Variants in SEPTIN9 observed in about 807,000 individuals in gnomAD.
SEPTIN9 encodes the protein septin 9.
In SEPTIN9, 13 loss-of-function variants were observed where a neutral mutation model predicts 56.6. That is an observed-to-expected ratio of 0.23 (90% CI 0.15 to 0.37). The LOEUF is 0.37. Among genes scored for constraint, SEPTIN9 ranks in the 10% least tolerant of loss-of-function variants. The probability of loss-of-function intolerance (pLI) is 1.00; values close to 1 mark genes in which losing one functional copy is unlikely to be tolerated. For synonymous variants in SEPTIN9, 332 were observed against 334.1 expected (o/e 0.99, Z 0.07); for missense variants, 650 against 823.1 (o/e 0.79, Z 2.57).
intron 2 of SEPTIN9, among the ~76,000 whole-genome samples, chr17:77,398,483 T>C (rs960160583): frequency 2.0e-5 from 3 of 151,964 alleles, no homozygotes; most frequent in African/African-American, 7.3e-5. Flanking sequence ...GGCTTGGCTT[T>C]GAGGAGGATT....
chr17:77,467,695 A>C (rs2038806081), intron 3 of SEPTIN9, among the ~76,000 whole-genome samples: 1 of 152,224 alleles, frequency 6.6e-6, no homozygotes, highest in Non-Finnish European at 1.5e-5. Flanking sequence ...ACAGGCGGCC[A>C]CACACCGAAG....
chr17:77,372,614 C>T (rs565822680), intron 2 of SEPTIN9, among the ~76,000 whole-genome samples: 12 of 152,364 alleles, frequency 7.9e-5, no homozygotes, highest in Admixed American at 1.3e-4. Context: ...AGGCGTCGCC[C>T]GTCCCTGGCT....
chr17:77,298,117 T>C (rs767693170), intron 1 of SEPTIN9, among the ~76,000 whole-genome samples: 2 of 152,198 alleles, frequency 1.3e-5, no homozygotes, highest in Non-Finnish European at 2.9e-5. Context: ...TAAAGGAGAA[T>C]GTGTTACCTC....
In SEPTIN9 at chr17:77,402,715, A is replaced by G. The variant is rs145762892; in HGVS notation, c.721+12A>G. On this transcript the variant is annotated intron_variant, in intron 3 of 11. Coordinates refer to ENST00000427177, the MANE Select transcript of SEPTIN9 (RefSeq NM_001113491.2). This position sits in a 1 kb window ranked among gnomAD's most constrained non-coding sequence, Gnocchi z 6.6. ...CCGGAGCCAGGAGGGTGAGTCGCAG[A>G]GCGCTAGGTCTTGGATGCTGTGGTA... 6 of 1,560,710 alleles carry G rather than the reference A, an allele frequency of 3.8e-6. No homozygotes were observed. Among genetic ancestry groups the G allele is most frequent in the Non-Finnish European group, 5.2e-6 (6 of 1,156,506 alleles).
chr17:77,474,659 G>A (rs942012585), intron 3 of SEPTIN9, among the ~76,000 whole-genome samples: 2 of 152,142 alleles, frequency 1.3e-5, no homozygotes, highest in African/African-American at 2.4e-5. Flanking sequence ...CATGGTTCCC[G>A]AAGACCTGGC....
intron 2 of SEPTIN9, among the ~76,000 whole-genome samples, chr17:77,391,718 A>AC (rs1294435832): frequency 6.6e-6 from 1 of 152,192 alleles, no homozygotes; most frequent in Non-Finnish European, 1.5e-5. Context: ...CAGATTCTGG[A>AC]GGTTCCTTGT....
chr17:77,451,554 C>CCG lies in SEPTIN9; in HGVS notation c.722-30590_722-30589insCG, dbSNP rs2037970710. On this transcript the variant is annotated intron_variant, in intron 3 of 11. Transcript: ENST00000427177. The surrounding 1 kb of genome is among the most constrained non-coding windows in gnomAD (Gnocchi z 4.2). ...GTGAGTCCTGCTCCTTTGTTCTTCC[C>CCG]AGCCTTGCACCACTGGCTCGGGGGC... 1 of 985,312 alleles carries CCG rather than the reference C, an allele frequency of 1.0e-6. No individual in the cohort carries two copies. Among genetic ancestry groups the CCG allele is most frequent in the African/African-American group, 1.7e-5 (1 of 57,256 alleles). 61.0% of individuals were successfully genotyped at this position (985,312 alleles called of 1,614,324 possible).
rs762317223 is a variant in SEPTIN9, at chr17:77,307,165, G to T, written c.44G>T (p.Arg15Leu). ...GGAGGCACGCGGACCTCCAGTGGCC[G>T]GCTCCGGAGGCTTGGTGACTCCAGT... ...YSGGTRTSSGRLRRLGDSSGP... is the reference protein window; with the variant it reads ...YSGGTRTSSGLLRRLGDSSGP... Residue 15 changes from arginine to leucine, a missense_variant, in exon 2 of 12, where the codon CGG (arginine) becomes CTG (leucine). Physicochemically the swap from Arg to Leu is moderately radical, Grantham distance 102. Coordinates refer to ENST00000427177, the MANE Select transcript of SEPTIN9 (RefSeq NM_001113491.2). 1.9e-6 allele frequency: 3 copies of T among 1,613,776 alleles called. No homozygotes were observed. In the African/African-American group the frequency reaches 4.0e-5, roughly 22 times the overall value.
intron 2 of SEPTIN9, chr17:77,374,552 C>T (rs1007896744): frequency 6.6e-6 from 1 of 152,106 alleles, no homozygotes; most frequent in African/African-American, 2.4e-5. Context: ...GGCTCCTAGG[C>T]TGACTTGGGC....
intron 2 of SEPTIN9, among the ~76,000 whole-genome samples, chr17:77,356,608 C>T (rs926101841): frequency 6.8e-6 from 1 of 146,836 alleles, no homozygotes; most frequent in Non-Finnish European, 1.5e-5. Context: ...GCTGCTCCTC[C>T]TCCTTCTATG....
intron 2 of SEPTIN9, among the ~76,000 whole-genome samples, chr17:77,360,121 C>T (rs2034366818): frequency 6.7e-6 from 1 of 148,934 alleles, no homozygotes; most frequent in African/African-American, 2.5e-5. Flanking sequence ...CACACCATTG[C>T]ACTCCAGCCT....
In SEPTIN9 at chr17:77,476,652, C is replaced by T. The variant is rs1045620101; in HGVS notation, c.722-5492C>T. On this transcript the variant is annotated intron_variant, in intron 3 of 11. Transcript: ENST00000427177. The surrounding 1 kb of genome is among the most constrained non-coding windows in gnomAD (Gnocchi z 6.0). ...GGGACCGGTGACCTACTGCCACCAGCGCCAGTGAATGGCAGAGGGGCCCTG... is the reference window on the plus strand; with the variant it reads ...GGGACCGGTGACCTACTGCCACCAGTGCCAGTGAATGGCAGAGGGGCCCTG... Among the ~76,000 whole-genome samples the T allele has an allele frequency of 2.0e-5, 3 of 152,234 alleles. No homozygotes were observed. Among genetic ancestry groups the T allele is most frequent in the Admixed American group, 1.3e-4 (2 of 15,290 alleles).
intron 4 of SEPTIN9, chr17:77,484,209 T>A (rs2039571424): frequency 6.6e-6 from 1 of 152,240 alleles, no homozygotes; most frequent in African/African-American, 2.4e-5. Context: ...GGGGTGGTAA[T>A]GACGGTGATG....
chr17:77,290,936 TGACCTCCCAGTCTC>T (rs1352650778), intron 1 of SEPTIN9, among the ~76,000 whole-genome samples: 1 of 151,480 alleles, frequency 6.6e-6, no homozygotes, highest in African/African-American at 2.4e-5. Context: ...GGCGTGATCA[TGACCTCCCAGTCTC>T]GACCTCCCAG....
chr17:77,364,473 G>A (rs781124593), intron 2 of SEPTIN9, among the ~76,000 whole-genome samples: 2 of 152,246 alleles, frequency 1.3e-5, no homozygotes, highest in Non-Finnish European at 2.9e-5. Flanking sequence ...GTGAACGTCG[G>A]TGCCTTTGCA....
At chr17:77,373,182 C>T in intron 2 of SEPTIN9, 2 of 1,072,716 alleles carry the variant, frequency 1.9e-6, no homozygotes, top group Non-Finnish European at 2.3e-6. Flanking sequence ...GCCACTCGGG[C>T]CCCAGCCCCC....
intron 2 of SEPTIN9, among the ~76,000 whole-genome samples, chr17:77,333,522 C>T (rs1231123249): frequency 3.9e-5 from 6 of 152,106 alleles, no homozygotes; most frequent in Non-Finnish European, 8.8e-5. Flanking sequence ...CCACCATGCC[C>T]GGCCTGTTCA....
At position 77,435,909 on chromosome 17, in the gene SEPTIN9, C is replaced by T. The variant is rs1299596209; in HGVS notation, c.721+33206C>T. Among the ~76,000 whole-genome samples, 4 of 152,250 alleles carry T rather than the reference C, an allele frequency of 2.6e-5. No individual in the cohort carries two copies. The highest frequency in any genetic ancestry group is 9.6e-5 in the African/African-American group (4 of 41,470). ...TAAAGCACGGACTTCTTAGGGGCTT[C>T]CATTCCTCCACCTGGAAAAACCTTA... On this transcript the variant is annotated intron_variant, in intron 3 of 11. Transcript: ENST00000427177. This position sits in a 1 kb window ranked among gnomAD's most constrained non-coding sequence, Gnocchi z 4.5.
chr17:77,392,878 T>G (rs956491269), intron 2 of SEPTIN9, among the ~76,000 whole-genome samples: 4 of 152,158 alleles, frequency 2.6e-5, no homozygotes, highest in African/African-American at 9.7e-5. Context: ...CTGGCTTCCC[T>G]TTGCAGGCTC....
Sources: allele counts gnomAD v4.1 joint callset (sites outside exome capture counted in the v4.1 genomes callset), GRCh38; gene constraint gnomAD v4.1.1; non-coding constraint Gnocchi (gnomAD v3.1); transcripts MANE v1.5; gene names NCBI Gene and HGNC (gene_info 2026-07-23, HGNC 2026-07-21).